Variants in FRK observed in about 807,000 individuals in gnomAD.
FRK encodes the protein tyrosine-protein kinase FRK.
In FRK, 51 loss-of-function variants were observed where a neutral mutation model predicts 56.4. That is an observed-to-expected ratio of 0.90 (90% CI 0.72 to 1.14). FRK has a LOEUF of 1.14. Ranked by LOEUF, FRK falls within the 50% of genes most tolerant of loss-of-function variation. FRK has a pLI of 0.00. For synonymous variants in FRK, 245 were observed against 217.9 expected (o/e 1.12, Z -1.10); for missense variants, 570 against 601.4 (o/e 0.95, Z 0.55).
At chr6:116,034,733 CT>C (rs1776405891) in intron 1 of FRK, among the ~76,000 whole-genome samples, 1 of 152,072 alleles carries the variant, frequency 6.6e-6, no homozygotes, top group Non-Finnish European at 1.5e-5. Flanking sequence ...AAAAAACAAA[CT>C]ATAAAACTGT....
At chr6:115,954,463 G>C (rs1772909403) in intron 5 of FRK, among the ~76,000 whole-genome samples, 1 of 152,128 alleles carries the variant, frequency 6.6e-6, no homozygotes, top group Non-Finnish European at 1.5e-5. Context: ...ATTGAGGAGA[G>C]GTAAAATCCT....
chr6:116,024,512 G>A (rs1011621986), intron 1 of FRK, among the ~76,000 whole-genome samples: 50 of 151,052 alleles, frequency 3.3e-4, no homozygotes, highest in Non-Finnish European at 4.1e-4. Flanking sequence ...GAGAATATGC[G>A]GTGTTTGGTT....
the FRK span, among the ~76,000 whole-genome samples, chr6:116,070,725 C>A: frequency 6.6e-6 from 1 of 152,136 alleles, no homozygotes; most frequent in African/African-American, 2.4e-5. Flanking sequence ...ACAGCAACAA[C>A]AAATGCACCG....
chr6:116,061,405 C>CACAT (rs1481745866), upstream of FRK, among the ~76,000 whole-genome samples: 1 of 150,310 alleles, frequency 6.7e-6, no homozygotes, highest in Non-Finnish European at 1.5e-5. Context: ...GGGAAACACA[C>CACAT]ACACACACAC....
intron 5 of FRK, among the ~76,000 whole-genome samples, chr6:115,954,451 G>T (rs1051490731): frequency 6.6e-6 from 1 of 152,210 alleles, no homozygotes; most frequent in African/African-American, 2.4e-5. Flanking sequence ...CAGGGTAGGA[G>T]CATTGAGGAG....
At chr6:116,021,331 G>T (rs1486723088) in intron 1 of FRK, among the ~76,000 whole-genome samples, 2 of 151,922 alleles carry the variant, frequency 1.3e-5, no homozygotes, top group African/African-American at 4.8e-5. Context: ...GATAATTGGA[G>T]AAATATATTT....
Position 115,983,593 on chromosome 6 carries a change from C to T in FRK, c.467-14854G>A, listed in dbSNP as rs79389040. ...CACATTATCTTATTCCCCAAGTGTC[C>T]TCCCCATCTTGACTCCTCTCTCTCA... On this transcript the variant is annotated intron_variant, in intron 2 of 7. Transcript: ENST00000606080. Among the ~76,000 whole-genome samples the T allele has an allele frequency of 5.2e-3, 792 of 152,188 alleles. 7 individuals are homozygous for T. Among genetic ancestry groups the T allele is most frequent in the Non-Finnish European group, 8.4e-3 (574 of 67,990 alleles).
At chr6:116,051,160 A>C (rs1396125050) in intron 1 of FRK, among the ~76,000 whole-genome samples, 2 of 152,184 alleles carry the variant, frequency 1.3e-5, no homozygotes, top group East Asian at 3.8e-4. Flanking sequence ...AAGAAATAGT[A>C]TTCTAAATGT....
intron 1 of FRK, among the ~76,000 whole-genome samples, chr6:116,050,926 C>T (rs1777155152): frequency 6.6e-6 from 1 of 152,120 alleles, no homozygotes; most frequent in Non-Finnish European, 1.5e-5. Context: ...ACTTTGCAGG[C>T]AGTACAATGC....
At chr6:115,951,113 A>AC (rs1312515910) in intron 5 of FRK, among the ~76,000 whole-genome samples, 1 of 152,154 alleles carries the variant, frequency 6.6e-6, no homozygotes, top group South Asian at 2.1e-4. Flanking sequence ...GCATGTGTAT[A>AC]CCTATGTAAC....
In FRK at chr6:116,039,563, C is replaced by A. The variant is rs540517093; in HGVS notation, c.344+20405G>T. The A allele has an allele frequency of 1.9e-4, 165 of 879,138 alleles. 1 individual carries two copies. The highest frequency in any genetic ancestry group is 1.9e-4 in the Non-Finnish European group (95 of 511,980). The allele number at this position is 879,138 out of a possible 1,614,324, so 54.5% of individuals were successfully genotyped here. On this transcript the variant is annotated intron_variant, in intron 1 of 7. Transcript: ENST00000606080. ...AAGCAGCCCAGAAGCCCAGTAACTG[C>A]CCCTCCCCTGCACATGTTTCTGATG...
At chr6:116,012,855 C>T (rs1775522926) in intron 1 of FRK, among the ~76,000 whole-genome samples, 1 of 152,266 alleles carries the variant, frequency 6.6e-6, no homozygotes, top group Non-Finnish European at 1.5e-5. Flanking sequence ...CCACAGATTT[C>T]AATCTGACCT....
At chr6:116,051,081 A>T (rs1194246090) in intron 1 of FRK, among the ~76,000 whole-genome samples, 1 of 152,158 alleles carries the variant, frequency 6.6e-6, no homozygotes, top group Non-Finnish European at 1.5e-5. Context: ...TTAAAGTGGG[A>T]TCTTCTGAAT....
chr6:116,076,102 G>C, the FRK span, among the ~76,000 whole-genome samples: 1 of 152,018 alleles, frequency 6.6e-6, no homozygotes, highest in East Asian at 1.9e-4. Flanking sequence ...GAGTCACTTC[G>C]TTTATAAATG....
At chr6:116,016,452 A>G (rs1775657662) in intron 1 of FRK, among the ~76,000 whole-genome samples, 1 of 152,242 alleles carries the variant, frequency 6.6e-6, no homozygotes, top group Non-Finnish European at 1.5e-5. Flanking sequence ...TCTTTTATGT[A>G]CCAATAAAAA....
intron 1 of FRK, among the ~76,000 whole-genome samples, chr6:116,005,231 A>G (rs1775206501): frequency 6.6e-6 from 1 of 152,168 alleles, no homozygotes; most frequent in Non-Finnish European, 1.5e-5. Context: ...CTGTCAGGAT[A>G]TGCCAGGTCA....
chr6:116,033,028 GT>G, intron 1 of FRK, among the ~76,000 whole-genome samples: 1 of 152,168 alleles, frequency 6.6e-6, no homozygotes, highest in Non-Finnish European at 1.5e-5. Context: ...GCCTTTTGTT[GT>G]CATTTTTAGA....
intron 1 of FRK, among the ~76,000 whole-genome samples, chr6:116,048,076 T>C (rs866102735): frequency 6.6e-6 from 1 of 152,258 alleles, no homozygotes; most frequent in South Asian, 2.1e-4. Flanking sequence ...ATTGTTTGAT[T>C]CTTAGAATCC....
chr6:115,982,924 T>C (rs745462949), intron 2 of FRK, among the ~76,000 whole-genome samples: 3 of 151,832 alleles, frequency 2.0e-5, no homozygotes, highest in Non-Finnish European at 4.4e-5. Context: ...ATACAAAATT[T>C]AGCCAGGCAT....
Sources: allele counts gnomAD v4.1 joint callset (sites outside exome capture counted in the v4.1 genomes callset), GRCh38; gene constraint gnomAD v4.1.1; transcripts MANE v1.5; gene names NCBI Gene and HGNC (gene_info 2026-07-23, HGNC 2026-07-21).